The following ANKRD11 variants were observed in gnomAD, a reference collection of about 807,000 sequenced individuals.
The protein encoded by ANKRD11 is ankyrin repeat domain 11, also known as ankyrin repeat domain-containing protein 11.
Under a neutral mutation model 195.7 loss-of-function variants are expected in ANKRD11, and 17 were observed. The observed-to-expected ratio is 0.09, with a 90% CI of 0.06 to 0.13. The LOEUF (loss-of-function observed/expected upper bound fraction) is 0.13. Ranked by LOEUF, ANKRD11 falls within the 10% of genes least tolerant of loss-of-function variation. The probability of loss-of-function intolerance (pLI) is 1.00; values close to 1 mark genes in which losing one functional copy is unlikely to be tolerated. For missense variants in ANKRD11, 3,735 were observed against 3,566.1 expected, an observed-to-expected ratio of 1.05 and a Z score of -1.21; for synonymous variants, 1,953 against 1,528.1, an observed-to-expected ratio of 1.28 and a Z score of -6.49.
At chr16:89,379,695 G>A (rs921949311) in intron 2 of ANKRD11, among the ~76,000 whole-genome samples, 4 of 152,214 alleles carry the variant, frequency 2.6e-5, no homozygotes, top group Admixed American at 6.5e-5. Flanking sequence ...CAAGCAGCAC[G>A]GAAGAGCTCC....
At chr16:89,383,162 G>A (rs2040737721) in intron 2 of ANKRD11, among the ~76,000 whole-genome samples, 1 of 152,246 alleles carries the variant, frequency 6.6e-6, no homozygotes, top group Admixed American at 6.5e-5. Context: ...ACAGCCGCCT[G>A]TGCTGCTGAG....
Position 89,461,182 on chromosome 16 carries a change from C to A in ANKRD11, c.-145+29063G>T, listed in dbSNP as rs1223264608. Among the ~76,000 whole-genome samples, 47 of 10,960 alleles carry A rather than the reference C, an allele frequency of 4.3e-3. 1 individual carries two copies. Among genetic ancestry groups the A allele is most frequent in the African/African-American group, 0.012 (45 of 3,722 alleles). 7.2% of individuals were successfully genotyped at this position (10,960 alleles called of 152,430 possible). A position where few individuals can be genotyped will look rare whatever the true frequency, so the allele number is the denominator to read the frequency against. ...GAAGAAAGGACAAATATCGTATGAC[C>A]CCCCCCCCCCCCTTATAGGAGAGGT... On this transcript the variant is annotated intron_variant, in intron 1 of 12. Transcript: ENST00000301030.
At chr16:89,391,998 T>C (rs975387333) in intron 2 of ANKRD11, among the ~76,000 whole-genome samples, 2 of 152,238 alleles carry the variant, frequency 1.3e-5, no homozygotes, top group East Asian at 3.8e-4. Context: ...TTTACCTTTC[T>C]CAGCATTCCA....
chr16:89,376,341 C>T (rs567997822), intron 2 of ANKRD11, among the ~76,000 whole-genome samples: 1 of 152,312 alleles, frequency 6.6e-6, no homozygotes, highest in Admixed American at 6.5e-5. Context: ...GTCAAGATAA[C>T]AGGAGAAGCA....
chr16:89,394,790 T>C (rs955972437), intron 2 of ANKRD11, among the ~76,000 whole-genome samples: 16 of 152,256 alleles, frequency 1.1e-4, no homozygotes, highest in East Asian at 9.6e-4. Flanking sequence ...ATCTCCATAA[T>C]ATATGGCCCC....
intron 1 of ANKRD11, among the ~76,000 whole-genome samples, chr16:89,421,674 C>T (rs2042514245): frequency 8.2e-6 from 1 of 121,568 alleles, no homozygotes; most frequent in Admixed American, 8.0e-5. Context: ...TGTGTGATGA[C>T]GGAGTCAGGG....
In ANKRD11 at chr16:89,426,997, T is replaced by C. The variant is rs12934980; in HGVS notation, c.-144-8629A>G. On this transcript the variant is annotated intron_variant, in intron 1 of 12. Coordinates refer to ENST00000301030, the MANE Select transcript of ANKRD11 (RefSeq NM_013275.6). The stretch of plus-strand genomic sequence containing the variant: ...GCCAAGTAGGAACCTCAGAATGAGA[T>C]ACAACTCCATGAAGAACCATCTCTT... 2.0e-3 allele frequency among the ~76,000 whole-genome samples: 306 copies of C among 152,334 alleles called. 2 individuals are homozygous for C. Among genetic ancestry groups the C allele is most frequent in the Middle Eastern group, 3.4e-3 (1 of 294 alleles).
intron 1 of ANKRD11, among the ~76,000 whole-genome samples, chr16:89,472,117 A>G (rs1325935754): frequency 6.6e-6 from 1 of 152,134 alleles, no homozygotes; most frequent in Non-Finnish European, 1.5e-5. Context: ...ATTCCGACCA[A>G]GCTTTAGGGT....
At position 89,280,709 on chromosome 16, in the gene ANKRD11, C is replaced by T. The variant is rs1184729090; in HGVS notation, c.5833G>A (p.Glu1945Lys). The T allele has an allele frequency of 2.5e-6, 4 of 1,613,190 alleles. No individual in the cohort carries two copies. Among genetic ancestry groups the T allele is most frequent in the Non-Finnish European group, 3.4e-6 (4 of 1,179,910 alleles). ...DEGPFSAVIT[E>K]EPVEWAHPSE... Reference sequence around the variant, plus strand: ...GGGTGGGCCCACTCAACGGGCTCCTCGGTGATGACGGCGCTGAAGGGACCC... The same window carrying T: ...GGGTGGGCCCACTCAACGGGCTCCTTGGTGATGACGGCGCTGAAGGGACCC... The change falls in exon 9 of 13, where the codon GAG (glutamate) becomes AAG (lysine). Residue 1945 changes from glutamate to lysine, a missense_variant. Glu to Lys is a moderately conservative substitution (Grantham distance 56). Transcript: ENST00000301030.
intron 2 of ANKRD11, among the ~76,000 whole-genome samples, chr16:89,417,365 C>T (rs1308200990): frequency 6.6e-6 from 1 of 152,174 alleles, no homozygotes; most frequent in Non-Finnish European, 1.5e-5. Context: ...TTTAATTTAG[C>T]CAAGTTTTCT....
chr16:89,290,951 T>A, intron 5 of ANKRD11, 62 bp downstream of exon 5: 1 of 1,609,940 alleles, frequency 6.2e-7, no homozygotes, highest in Non-Finnish European at 8.5e-7. Flanking sequence ...AGCACAGCCA[T>A]GAGGCTGCGA....
At chr16:89,473,505 G>C (rs925501031) in intron 1 of ANKRD11, among the ~76,000 whole-genome samples, 1 of 152,220 alleles carries the variant, frequency 6.6e-6, no homozygotes, top group Admixed American at 6.5e-5. Context: ...CAGCCTGATA[G>C]TACCAGGGCA....
intron 1 of ANKRD11, among the ~76,000 whole-genome samples, chr16:89,439,525 T>G (rs2043356048): frequency 6.6e-6 from 1 of 152,134 alleles, no homozygotes; most frequent in Non-Finnish European, 1.5e-5. Flanking sequence ...AAAACAGTGA[T>G]CCAGGGATAT....
intron 2 of ANKRD11, among the ~76,000 whole-genome samples, chr16:89,367,502 G>A (rs966660243): frequency 5.3e-5 from 8 of 152,298 alleles, no homozygotes; most frequent in African/African-American, 1.7e-4. Context: ...CAGCTGCCAT[G>A]GTCACCCACG....
Position 89,403,372 on chromosome 16 carries a change from A to G in ANKRD11, c.-60+14912T>C, listed in dbSNP as rs541466067. 6.9e-4 allele frequency among the ~76,000 whole-genome samples: 105 copies of G among 152,234 alleles called. 5 individuals are homozygous for G. In the South Asian group the frequency reaches 0.021, roughly 30 times the overall value. ...CGCGTGGAAGAACATGGAGGAGCTCATCTGTCTGAGGATAGGAAGCAGCAG... is the reference window on the plus strand; with the variant it reads ...CGCGTGGAAGAACATGGAGGAGCTCGTCTGTCTGAGGATAGGAAGCAGCAG... On this transcript the variant is annotated intron_variant, in intron 2 of 12. Transcript: ENST00000301030.
chr16:89,274,158 G>A (rs1794340394), intron 11 of ANKRD11, among the ~76,000 whole-genome samples: 7 of 152,224 alleles, frequency 4.6e-5, no homozygotes, highest in Admixed American at 4.6e-4. Context: ...GACAGGAAGA[G>A]CTGCCCCAGG....
intron 3 of ANKRD11, 30 bp from the exon 4 acceptor site, chr16:89,305,374 G>C (rs761258889): frequency 6.8e-6 from 11 of 1,613,544 alleles, no homozygotes; most frequent in Non-Finnish European, 8.5e-7. Context: ...TTTCAGTCGT[G>C]ATGTCCAAAT....
At chr16:89,269,173 G>A (rs1002510375) in intron 12 of ANKRD11, among the ~76,000 whole-genome samples, 1 of 152,162 alleles carries the variant, frequency 6.6e-6, no homozygotes. Flanking sequence ...CAACCGTGTA[G>A]AGAATCTTTT....
intron 11 of ANKRD11, among the ~76,000 whole-genome samples, chr16:89,274,051 C>A (rs1368031726): frequency 6.6e-6 from 1 of 152,160 alleles, no homozygotes; most frequent in African/African-American, 2.4e-5. Flanking sequence ...GCAGGCGAGG[C>A]AACGGGAGAG....
Sources: allele counts gnomAD v4.1 joint callset (sites outside exome capture counted in the v4.1 genomes callset), GRCh38; gene constraint gnomAD v4.1.1; transcripts MANE v1.5; gene names NCBI Gene and HGNC (gene_info 2026-07-23, HGNC 2026-07-21).